The following NFXL1 variants were observed in gnomAD, a reference collection of about 807,000 sequenced individuals.
NFXL1 encodes the protein NF-X1-type zinc finger protein NFXL1.
Under a neutral mutation model 123.3 loss-of-function variants are expected in NFXL1, and 66 were observed. That is an observed-to-expected ratio of 0.54 (90% CI 0.44 to 0.66). NFXL1 has a LOEUF of 0.66. Among genes scored for constraint, NFXL1 ranks in the 30% least tolerant of loss-of-function variants. The probability of loss-of-function intolerance (pLI) is 0.00; values close to 1 mark genes in which losing one functional copy is unlikely to be tolerated. For synonymous variants in NFXL1, 346 were observed against 360.8 expected, an observed-to-expected ratio of 0.96 and a Z score of 0.46; for missense variants, 944 against 1,125.6, an observed-to-expected ratio of 0.84 and a Z score of 2.31.
At chr4:47,857,349 T>C (rs369610347) in intron 19 of NFXL1, among the ~76,000 whole-genome samples, 31 of 152,274 alleles carry the variant, frequency 2.0e-4, no homozygotes, top group East Asian at 9.6e-4. Flanking sequence ...AATGATTCTA[T>C]AGGAGAAAGT....
At chr4:47,913,030 AAAAAG>A (rs1737921810) in intron 2 of NFXL1, among the ~76,000 whole-genome samples, 1 of 147,960 alleles carries the variant, frequency 6.8e-6, no homozygotes, top group African/African-American at 2.5e-5. Flanking sequence ...AAAAAAAAAA[AAAAAG>A]TTTACCAAAC....
chr4:47,878,679 G>A lies in NFXL1; in HGVS notation c.1939-14C>T. 6.6e-7 allele frequency: 1 copy of A among 1,509,944 alleles called. No homozygotes were observed. The highest frequency in any genetic ancestry group is 8.8e-7 in the Non-Finnish European group (1 of 1,130,890). The allele number at this position is 1,509,944 out of a possible 1,614,324, so 93.5% of individuals were successfully genotyped here. A position where few individuals can be genotyped will look rare whatever the true frequency, so the allele number is the denominator to read the frequency against. On this transcript the variant is annotated splice_polypyrimidine_tract_variant and intron_variant, in intron 16 of 22. Transcript: ENST00000507489. ...TAGTGGACTCACCTTAAAAAATAAA[G>A]GAAATCAGCACAGCACACATTACTC...
chr4:47,898,892 A>C, intron 7 of NFXL1, 35 bp from the exon 8 acceptor site: 1 of 1,604,388 alleles, frequency 6.2e-7, no homozygotes, highest in Non-Finnish European at 8.5e-7. Flanking sequence ...ACAGAAACAT[A>C]AAAGCAATAA....
intron 19 of NFXL1, among the ~76,000 whole-genome samples, chr4:47,856,479 C>A (rs965238292): frequency 6.9e-6 from 1 of 144,866 alleles, no homozygotes; most frequent in African/African-American, 2.5e-5. Context: ...ATGTCATAAT[C>A]CCTAACAAAG....
chr4:47,849,526 G>A (rs1577977593), intron 22 of NFXL1, among the ~76,000 whole-genome samples: 1 of 152,180 alleles, frequency 6.6e-6, no homozygotes, highest in East Asian at 1.9e-4. Flanking sequence ...ACTTGAAAAA[G>A]ATCTAATAAT....
intron 12 of NFXL1, among the ~76,000 whole-genome samples, chr4:47,888,685 C>G (rs1436805715): frequency 6.6e-6 from 1 of 151,062 alleles, no homozygotes; most frequent in Admixed American, 6.6e-5. Flanking sequence ...GAGATGCAAT[C>G]TGCAAAACTC....
intron 5 of NFXL1, among the ~76,000 whole-genome samples, chr4:47,902,716 G>A (rs1020340584): frequency 6.6e-6 from 1 of 152,128 alleles, no homozygotes; most frequent in Middle Eastern, 3.2e-3. Flanking sequence ...GGAACTAGTA[G>A]TTATAGAAAT....
At position 47,890,642 on chromosome 4, in the gene NFXL1, T is replaced by C. The variant is rs748313556; in HGVS notation, c.1514A>G (p.Asn505Ser). The change falls in exon 12 of 23, where the codon AAC (asparagine) becomes AGC (serine). Residue 505 changes from asparagine (N) to serine (S), a missense_variant. Physicochemically the swap from Asn to Ser is conservative, Grantham distance 46 (BLOSUM62 1). Around this residue, in one of 4 missense-constraint regions of NFXL1, gnomAD observed 296 missense variants for 395.1 expected, o/e 0.75. Transcript: ENST00000507489. ...GTGACAGACAGATGGACACTTATGG[T>C]TTCTACATCCTAAAGTCCGTCCACA... ...QNCGRTLGCR[N>S]HKCPSVCHRG... is the part of the protein sequence containing the mutation. 2.2e-5 allele frequency: 35 copies of C among 1,608,008 alleles called. No homozygotes were observed. The East Asian group carries it at 5.4e-4, about 25-fold the overall frequency.
chr4:47,887,634 G>A lies in NFXL1; in HGVS notation c.1544-1635C>T, dbSNP rs114647693. Among the ~76,000 whole-genome samples the A allele has an allele frequency of 5.8e-3, 877 of 152,078 alleles. 5 individuals are homozygous for A. The highest frequency in any genetic ancestry group is 0.02 in the African/African-American group (818 of 41,490). Reference sequence around the variant, plus strand: ...TAAAGTTGATAGTGATATTTAAGTCGGTTCTCATTCGGCATATTATATCTG... The same window carrying A: ...TAAAGTTGATAGTGATATTTAAGTCAGTTCTCATTCGGCATATTATATCTG... On this transcript the variant is annotated intron_variant, in intron 12 of 22. Coordinates refer to ENST00000507489, the MANE Select transcript of NFXL1 (RefSeq NM_001278624.2).
chr4:47,911,005 GA>G lies in NFXL1; in HGVS notation c.236-12del. ...TCTGAGACATTAGCTCTGTTTAAAA[GA>G]AAAAAGTTTCATTTCTGCAAAACAA... On this transcript the variant is annotated splice_polypyrimidine_tract_variant and intron_variant, in intron 2 of 22. Transcript: ENST00000507489. 3 of 1,506,788 alleles carry G rather than the reference GA, an allele frequency of 2.0e-6. No individual in the cohort carries two copies. The highest frequency in any genetic ancestry group is 2.3e-5 in the East Asian group (1 of 43,000). 93.3% of individuals were successfully genotyped at this position (1,506,788 alleles called of 1,614,324 possible). A position where few individuals can be genotyped will look rare whatever the true frequency, so the allele number is the denominator to read the frequency against.
chr4:47,853,749 C>T (rs532097460), intron 20 of NFXL1, among the ~76,000 whole-genome samples: 4 of 152,134 alleles, frequency 2.6e-5, no homozygotes, highest in East Asian at 1.9e-4. Context: ...TGCTAGATGA[C>T]GAGACTGAAC....
In NFXL1 at chr4:47,910,860, G is replaced by A. The variant is rs1169596325; in HGVS notation, c.370C>T (p.Leu124Phe). ...GTGTATGTTATAAACGTATTTGCAA[G>A]TATTTTTCCCTGTTTTCCTTCAAAA... Reference protein sequence around the residue: ...EDFEGKQGKILANTFITYTTQ... With the variant: ...EDFEGKQGKIFANTFITYTTQ... The change falls in exon 3 of 23, where the codon CTT (leucine) becomes TTT (phenylalanine). Residue 124 changes from leucine to phenylalanine, a missense_variant. Leu to Phe is a conservative substitution (Grantham distance 22). This residue lies in a region of NFXL1 where 303 missense variants were observed against 292.1 expected (regional missense o/e 1.04). Coordinates refer to ENST00000507489, the MANE Select transcript of NFXL1 (RefSeq NM_001278624.2). 3 of 1,600,894 alleles carry A rather than the reference G, an allele frequency of 1.9e-6. No homozygotes were observed. The highest frequency in any genetic ancestry group is 2.2e-5 in the East Asian group (1 of 44,594).
chr4:47,865,033 C>G (rs1017995629), intron 18 of NFXL1, among the ~76,000 whole-genome samples: 2 of 152,150 alleles, frequency 1.3e-5, no homozygotes, highest in African/African-American at 4.8e-5. Flanking sequence ...CTGACACTTT[C>G]TCCAGGTAGT....
At chr4:47,875,320 C>T in intron 17 of NFXL1, 27 bp from the exon 18 acceptor site, 1 of 1,581,474 alleles carries the variant, frequency 6.3e-7, no homozygotes, top group Non-Finnish European at 8.6e-7. Flanking sequence ...AAATAAATCA[C>T]CTAAGTACAA....
intron 22 of NFXL1, among the ~76,000 whole-genome samples, chr4:47,848,611 C>T (rs566477106): frequency 2.6e-4 from 39 of 152,192 alleles, no homozygotes; most frequent in African/African-American, 8.7e-4. Context: ...CTGATTAGGC[C>T]GGGCACGGTG....
chr4:47,885,544 C>T lies in NFXL1; in HGVS notation c.1778G>A (p.Cys593Tyr). 1 of 1,613,784 alleles carries T rather than the reference C, an allele frequency of 6.2e-7. No homozygotes were observed. Among genetic ancestry groups the T allele is most frequent in the East Asian group, 2.2e-5 (1 of 44,872 alleles). Residue 593 changes from cysteine to tyrosine, a missense_variant, in exon 14 of 23, where the codon TGT (cysteine) becomes TAT (tyrosine). Transcript: ENST00000507489. ...TGCTTGATCATGACACGGAGCAGGACACAAGTGACCACATTTCTCCAAAAC... is the reference window on the plus strand; with the variant it reads ...TGCTTGATCATGACACGGAGCAGGATACAAGTGACCACATTTCTCCAAAAC... ...QKVLEKCGHL[C>Y]PAPCHDQALI...
At chr4:47,865,853 A>G (rs1735031942) in intron 18 of NFXL1, among the ~76,000 whole-genome samples, 1 of 151,984 alleles carries the variant, frequency 6.6e-6, no homozygotes, top group Non-Finnish European at 1.5e-5. Flanking sequence ...CGTCTCTACA[A>G]AAAAACACCA....
intron 12 of NFXL1, among the ~76,000 whole-genome samples, chr4:47,889,194 AT>A (rs1233823391): frequency 1.3e-5 from 2 of 152,228 alleles, no homozygotes; most frequent in Admixed American, 1.3e-4. Flanking sequence ...ATTACATAAT[AT>A]TAGATTTACT....
At chr4:47,873,803 T>C (rs758779504) in intron 18 of NFXL1, among the ~76,000 whole-genome samples, 3 of 152,202 alleles carry the variant, frequency 2.0e-5, no homozygotes, top group Non-Finnish European at 4.4e-5. Context: ...TCTCTCTAAC[T>C]ATGAAAGTCC....
Sources: gnomAD v4.1 joint callset for allele counts (sites outside exome capture counted in the v4.1 genomes callset) on GRCh38, gnomAD v4.1.1 for gene constraint, gnomAD v4.1.1 regional missense constraint, MANE v1.5 for transcripts, NCBI Gene and HGNC (gene_info 2026-07-23, HGNC 2026-07-21) for gene names.